COG4: variants seen among roughly 807,000 people sequenced by gnomAD.
COG4 encodes conserved oligomeric Golgi complex subunit 4.
A neutral mutation model predicts 95.1 loss-of-function variants in COG4; 65 were observed. That is an observed-to-expected ratio of 0.68 (90% CI 0.56 to 0.84). The LOEUF is 0.84. Among genes scored for constraint, COG4 ranks in the 40% least tolerant of loss-of-function variants. The pLI, the probability that COG4 is intolerant of heterozygous loss-of-function variation, is 0.00. For synonymous variants in COG4, 421 were observed against 374.8 expected (o/e 1.12, Z -1.42); for missense variants, 1,045 against 989.1 (o/e 1.06, Z -0.76).
In COG4 at chr16:70,497,266, CAG is replaced by C. The variant is rs1302186101; in HGVS notation, c.1434_1435del (p.Ala480HisfsTer12). ...TGTGGTGGCGAGGTTGATCATGGCA[CAG>C]AGACAGTCAATGCTGGAGCTGGACA... On this transcript the variant is annotated frameshift_variant, in exon 11 of 19. Transcript: ENST00000323786. LOFTEE classifies it high-confidence loss of function. 1 of 1,614,050 alleles carries C rather than the reference CAG, an allele frequency of 6.2e-7. No homozygotes were observed. The highest frequency in any genetic ancestry group is 8.5e-7 in the Non-Finnish European group (1 of 1,180,044).
intron 8 of COG4, among the ~76,000 whole-genome samples, chr16:70,501,774 CAT>C (rs910625106): frequency 1.3e-5 from 2 of 151,830 alleles, no homozygotes; most frequent in Admixed American, 1.3e-4. Context: ...GCCTTGGCCA[CAT>C]GAGTAGCTGG....
At chr16:70,514,621 C>A in intron 3 of COG4, 112 bp from the exon 4 acceptor site, 1 of 832,972 alleles carries the variant, frequency 1.2e-6, no homozygotes, top group Non-Finnish European at 2.0e-6. Context: ...CAATAGCAAT[C>A]TCACAAACAC....
Position 70,511,247 on chromosome 16 carries a change from A to G in COG4, c.738+992T>C, listed in dbSNP as rs550514502. On this transcript the variant is annotated intron_variant, in intron 5 of 18. Coordinates refer to ENST00000323786, the MANE Select transcript of COG4 (RefSeq NM_015386.3). ...AAAGAAATCCTCTGCTTATACAAAT[A>G]TATCTTGATTGCTAACTCCCTCATT... Among the ~76,000 whole-genome samples the G allele has an allele frequency of 9.2e-5, 14 of 152,320 alleles. No homozygotes were observed. In the South Asian group the frequency reaches 1.4e-3, roughly 16 times the overall value.
At chr16:70,492,589 G>A (rs770493853) in intron 12 of COG4, among the ~76,000 whole-genome samples, 2 of 151,064 alleles carry the variant, frequency 1.3e-5, no homozygotes, top group South Asian at 2.1e-4. Context: ...TGAACCCAGC[G>A]GGCAGAGGTT....
rs573787513 is a variant in COG4, at chr16:70,485,294, C to T, written c.1711-1325G>A. Among the ~76,000 whole-genome samples, 813 of 151,520 alleles carry T rather than the reference C, an allele frequency of 5.4e-3. 5 individuals are homozygous for T. Among genetic ancestry groups the T allele is most frequent in the Non-Finnish European group, 8.3e-3 (565 of 67,900 alleles). ...TCTCGGCTCACTGCAACCTCCGCCT[C>T]CTGGGTTCAAGCGATTCTCGTGCCT... On this transcript the variant is annotated intron_variant, in intron 13 of 18. Coordinates refer to ENST00000323786, the MANE Select transcript of COG4 (RefSeq NM_015386.3).
At chr16:70,484,002 C>A in intron 13 of COG4, 33 bp from the exon 14 acceptor site, 1 of 1,489,106 alleles carries the variant, frequency 6.7e-7, no homozygotes. Context: ...GACCACCGAG[C>A]ACGCGTGGGC....
At position 70,498,020 on chromosome 16, in the gene COG4, A is replaced by G; in HGVS notation, c.1231T>C (p.Cys411Arg). 1 of 1,613,692 alleles carries G rather than the reference A, an allele frequency of 6.2e-7. No individual in the cohort carries two copies. Among genetic ancestry groups the G allele is most frequent in the Non-Finnish European group, 8.5e-7 (1 of 1,179,592 alleles). The change falls in exon 10 of 19, where the codon TGC becomes CGC. Residue 411 changes from cysteine to arginine, a missense_variant. Coordinates refer to ENST00000323786, the MANE Select transcript of COG4 (RefSeq NM_015386.3). ...QKCLDKLLNN[C>R]LLSCTMQELI... ...TCCTGCATGGTACAGCTCAAAAGGC[A>G]GTTATTGAGGAGTTTGTCCAGACAC... is the stretch of plus-strand genomic sequence containing the variant.
chr16:70,515,412 G>A (rs545263954), intron 3 of COG4, among the ~76,000 whole-genome samples: 56 of 152,142 alleles, frequency 3.7e-4, no homozygotes, highest in Non-Finnish European at 6.2e-4. Flanking sequence ...TGCGCCAGGC[G>A]TGGTGGCTCA....
At chr16:70,491,757 T>C (rs1035900886) in intron 12 of COG4, among the ~76,000 whole-genome samples, 2 of 137,746 alleles carry the variant, frequency 1.5e-5, no homozygotes, top group Admixed American at 1.7e-4. Flanking sequence ...TTGGGAGGCG[T>C]AGGTTGCAGT....
In COG4 at chr16:70,483,826, C is replaced by T. The variant is rs370559771; in HGVS notation, c.1827+27G>A. On this transcript the variant is annotated intron_variant, in intron 14 of 18. Transcript: ENST00000323786. ...CAGAGCAACACACAGGCACAGGATT[C>T]AGTCAGCAGTTGAACCTGGGGCTTA... 101 of 1,491,258 alleles carry T rather than the reference C, an allele frequency of 6.8e-5. No individual in the cohort carries two copies. The African/African-American group carries it at 1.3e-3, about 19-fold the overall frequency. The allele number at this position is 1,491,258 out of a possible 1,614,324, so 92.4% of individuals were successfully genotyped here.
At chr16:70,491,817 T>A (rs1283051105) in intron 12 of COG4, among the ~76,000 whole-genome samples, 2 of 73,334 alleles carry the variant, frequency 2.7e-5, no homozygotes, top group Admixed American at 1.7e-4. Flanking sequence ...AGAACAAAAC[T>A]ACGTCTCAAA....
intron 1 of COG4, among the ~76,000 whole-genome samples, chr16:70,521,618 G>A (rs1431184773): frequency 6.6e-6 from 1 of 151,742 alleles, no homozygotes; most frequent in Non-Finnish European, 1.5e-5. Context: ...CATTTTGTCT[G>A]TAAGATTTCC....
At chr16:70,517,936 TC>T (rs1342033884) in intron 2 of COG4, among the ~76,000 whole-genome samples, 196 bp from the exon 3 acceptor site, 1 of 143,598 alleles carries the variant, frequency 7.0e-6, no homozygotes, top group African/African-American at 3.0e-5. Context: ...AAAAATTAAC[TC>T]TTTTTTTTTT....
intron 12 of COG4, among the ~76,000 whole-genome samples, chr16:70,493,991 G>A (rs2049293908): frequency 6.6e-6 from 1 of 152,198 alleles, no homozygotes; most frequent in African/African-American, 2.4e-5. Flanking sequence ...CAGGGGCTGT[G>A]ATTAGGAAGT....
chr16:70,497,857 T>A, intron 10 of COG4, 80 bp downstream of exon 10: 1 of 850,822 alleles, frequency 1.2e-6, no homozygotes, highest in Non-Finnish European at 2.1e-6. Flanking sequence ...CCAATAAATA[T>A]GACATGCCTC....
At chr16:70,495,353 T>A (rs967460427) in intron 12 of COG4, among the ~76,000 whole-genome samples, 1 of 146,092 alleles carries the variant, frequency 6.8e-6, no homozygotes, top group African/African-American at 2.6e-5. Context: ...GCCAAGGTCA[T>A]GCCATTGCAC....
chr16:70,492,318 C>A (rs2049260641), intron 12 of COG4, among the ~76,000 whole-genome samples: 1 of 152,086 alleles, frequency 6.6e-6, no homozygotes, highest in South Asian at 2.1e-4. Context: ...TGACTTTTTT[C>A]ATAACACGAC....
chr16:70,516,420 C>T (rs2049824263), intron 3 of COG4, among the ~76,000 whole-genome samples: 1 of 151,976 alleles, frequency 6.6e-6, no homozygotes, highest in African/African-American at 2.4e-5. Context: ...CCTCAGACTC[C>T]TGAGTAGCTG....
intron 14 of COG4, among the ~76,000 whole-genome samples, chr16:70,483,515 G>C (rs2151739314): frequency 6.6e-6 from 1 of 152,132 alleles, no homozygotes; most frequent in South Asian, 2.1e-4. Flanking sequence ...TCTCACAAGA[G>C]ATTTCAGAAT....
Sources: gnomAD v4.1 joint callset for allele counts (sites outside exome capture counted in the v4.1 genomes callset) on GRCh38, gnomAD v4.1.1 for gene constraint, MANE v1.5 for transcripts, NCBI Gene and HGNC (gene_info 2026-07-23, HGNC 2026-07-21) for gene names.